CACNA1H: variants seen among roughly 807,000 people sequenced by gnomAD.
CACNA1H encodes the protein calcium voltage-gated channel subunit alpha1 H, also known as voltage-dependent T-type calcium channel subunit alpha-1H.
CACNA1H carries 149 observed loss-of-function variants against 192.5 expected under a neutral mutation model. The observed-to-expected ratio is 0.77, with a 90% CI of 0.68 to 0.89. The LOEUF is 0.89. CACNA1H is among the 40% of genes least tolerant of loss of function. CACNA1H has a pLI of 0.00. For synonymous variants in CACNA1H, 2,202 were observed against 1,475.2 expected (o/e 1.49, Z -11.29); for missense variants, 4,257 against 3,423.5 (o/e 1.24, Z -6.08).
chr16:1,204,506 G>A (rs1367382024), intron 10 of CACNA1H, 48 bp downstream of exon 10: 2 of 1,440,152 alleles, frequency 1.4e-6, no homozygotes, highest in African/African-American at 1.4e-5. Context: ...AGGCTTGCAG[G>A]GCCTGGGGAG....
chr16:1,188,713 C>G (rs538687089), intron 2 of CACNA1H, among the ~76,000 whole-genome samples: 59 of 152,290 alleles, frequency 3.9e-4, no homozygotes, highest in African/African-American at 1.4e-3. Context: ...CTCGACTACC[C>G]CCAGATGAGA....
chr16:1,154,054 CGGGGGGCG>C lies in CACNA1H; in HGVS notation c.299+24_299+31del. 1.9e-5 allele frequency: 2 copies of C among 106,620 alleles called. No homozygotes were observed. Among genetic ancestry groups the C allele is most frequent in the Non-Finnish European group, 2.3e-5 (2 of 88,222 alleles). 6.6% of individuals were successfully genotyped at this position (106,620 alleles called of 1,614,324 possible). ...TGCAACCCATATCCTTCCCGGCCGG[CGGGGGGCG>C]GGGGGCGGGGGGCGTGGGGAGGGTG... On this transcript the variant is annotated intron_variant, in intron 2 of 34. Transcript: ENST00000348261.
At chr16:1,157,358 A>G (rs910189370) in intron 2 of CACNA1H, among the ~76,000 whole-genome samples, 1 of 152,220 alleles carries the variant, frequency 6.6e-6, no homozygotes, top group African/African-American at 2.4e-5. Flanking sequence ...TATCAAGGTC[A>G]TCGGGATGCT....
chr16:1,156,262 C>A (rs1383721003), intron 2 of CACNA1H, among the ~76,000 whole-genome samples: 1 of 152,240 alleles, frequency 6.6e-6, no homozygotes. Context: ...AGACCCCAAG[C>A]TTGGTTCATT....
In CACNA1H at chr16:1,220,179, C is replaced by A; in HGVS notation, c.6247C>A (p.Pro2083Thr). Residue 2083 changes from proline (P) to threonine (T), a missense_variant, in exon 35 of 35, where the codon CCG becomes ACG. Coordinates refer to ENST00000348261, the MANE Select transcript of CACNA1H (RefSeq NM_021098.3). ...CGGACAGCGCTGCGTCTCCAGCCGG[C>A]CGGCGGCCCCAGGCGGAGAGGAGGC... Reference protein sequence around the residue: ...TFGQRCVSSRPAAPGGEEAEA... With the variant: ...TFGQRCVSSRTAAPGGEEAEA... 6.6e-7 allele frequency: 1 copy of A among 1,520,118 alleles called. No homozygotes were observed. Among genetic ancestry groups the A allele is most frequent in the Non-Finnish European group, 8.8e-7 (1 of 1,138,520 alleles). The allele number at this position is 1,520,118 out of a possible 1,614,324, so 94.2% of individuals were successfully genotyped here.
At chr16:1,199,845 CTTGCCCT>C (rs955703699) in intron 6 of CACNA1H, among the ~76,000 whole-genome samples, 3 of 152,112 alleles carry the variant, frequency 2.0e-5, no homozygotes, top group African/African-American at 7.2e-5. Context: ...CCCCTCGTCC[CTTGCCCT>C]TTGCCCCTCA....
At position 1,219,112 on chromosome 16, in the gene CACNA1H, C is replaced by A; in HGVS notation, c.6030C>A (p.Ser2010Arg). ...PRGTARSPSL[S>R]RLLCRQEAVH... ...GCACAGCCCGCTCCCCCAGTCTCAGCCGGCTGCTCTGCAGACAGGTAGGAG... is the reference window on the plus strand; with the variant it reads ...GCACAGCCCGCTCCCCCAGTCTCAGACGGCTGCTCTGCAGACAGGTAGGAG... The change falls in exon 34 of 35, where the codon AGC (serine) becomes AGA (arginine). Residue 2010 changes from serine (S) to arginine (R), a missense_variant. Ser to Arg is a moderately radical substitution (Grantham distance 110, BLOSUM62 -1). Coordinates refer to ENST00000348261, the MANE Select transcript of CACNA1H (RefSeq NM_021098.3). 2 of 1,543,140 alleles carry A rather than the reference C, an allele frequency of 1.3e-6. No homozygotes were observed. The highest frequency in any genetic ancestry group is 1.8e-6 in the Non-Finnish European group (2 of 1,142,844).
In CACNA1H at chr16:1,218,718, T is replaced by TG; in HGVS notation, c.5887+70dup. On this transcript the variant is annotated intron_variant, in intron 33 of 34. Transcript: ENST00000348261. ...GGACAGGGAGGAAGATGGGGGCAGG[T>TG]GGGAGGGAGGATGGGGTCAGGCCAG... is the stretch of plus-strand genomic sequence containing the variant. The TG allele has an allele frequency of 6.1e-6, 5 of 818,292 alleles. No individual in the cohort carries two copies. In the South Asian group the frequency reaches 1.2e-4, roughly 19 times the overall value. The allele number at this position is 818,292 out of a possible 1,614,324, so 50.7% of individuals were successfully genotyped here.
At chr16:1,169,348 C>G (rs994492420) in intron 2 of CACNA1H, among the ~76,000 whole-genome samples, 6 of 152,216 alleles carry the variant, frequency 3.9e-5, no homozygotes, top group African/African-American at 1.2e-4. Context: ...TGGCAGAACC[C>G]CCGACCTGCC....
chr16:1,173,473 C>G (rs1045010579), intron 2 of CACNA1H, among the ~76,000 whole-genome samples: 1 of 152,228 alleles, frequency 6.6e-6, no homozygotes, highest in Admixed American at 6.5e-5. Flanking sequence ...TCGCTATTTA[C>G]TTTTTTAGTA....
intron 2 of CACNA1H, among the ~76,000 whole-genome samples, chr16:1,173,800 C>T (rs1197370498): frequency 6.6e-6 from 1 of 152,236 alleles, no homozygotes; most frequent in African/African-American, 2.4e-5. Flanking sequence ...TGGGTGTTGA[C>T]CTGTGCACAC....
At chr16:1,214,344 G>T (rs1291279352) in intron 27 of CACNA1H, among the ~76,000 whole-genome samples, 1 of 152,374 alleles carries the variant, frequency 6.6e-6, no homozygotes, top group South Asian at 2.1e-4. Context: ...GAAGGAGGTA[G>T]CCTCTGGGTA....
rs538104013 is a variant in CACNA1H at position 1,210,985 on chromosome 16, C to T, written c.4223+14C>T. 88 of 1,589,652 alleles carry T rather than the reference C, an allele frequency of 5.5e-5. 1 individual carries two copies. The highest frequency in any genetic ancestry group is 2.2e-4 in the Middle Eastern group (1 of 4,540). On this transcript the variant is annotated intron_variant, in intron 21 of 34. Transcript: ENST00000348261. Reference sequence around the variant, plus strand: ...GCGGCCTCTGAGGTGGGGGGCTCCCCGTGGGCTCCCGGGGCAACCTGGAAG... The same window carrying T: ...GCGGCCTCTGAGGTGGGGGGCTCCCTGTGGGCTCCCGGGGCAACCTGGAAG...
chr16:1,206,817 G>A (rs1216659475), intron 12 of CACNA1H, 184 bp from the exon 13 acceptor site: 27 of 589,638 alleles, frequency 4.6e-5, no homozygotes, highest in Non-Finnish European at 7.3e-5. Flanking sequence ...CTGAGTTGTA[G>A]GGCAGGAAGT....
At chr16:1,217,449 G>A (rs1230614959) in intron 31 of CACNA1H, among the ~76,000 whole-genome samples, 3 of 152,016 alleles carry the variant, frequency 2.0e-5, no homozygotes, top group Admixed American at 1.3e-4. Context: ...CAGGCTGGGC[G>A]GGGCAGGTGG....
chr16:1,178,457 A>G (rs1229645855), intron 2 of CACNA1H, among the ~76,000 whole-genome samples: 2 of 151,820 alleles, frequency 1.3e-5, no homozygotes, highest in African/African-American at 4.8e-5. Flanking sequence ...TTTGGAGATA[A>G]GGGCCCTTTC....
At chr16:1,191,925 C>T (rs965514926) in intron 2 of CACNA1H, among the ~76,000 whole-genome samples, 3 of 152,270 alleles carry the variant, frequency 2.0e-5, no homozygotes, top group South Asian at 4.1e-4. Context: ...GGGGTCTCTG[C>T]GAGCCGTCAC....
intron 2 of CACNA1H, among the ~76,000 whole-genome samples, chr16:1,162,373 G>A (rs1963294166): frequency 6.6e-6 from 1 of 152,142 alleles, no homozygotes; most frequent in African/African-American, 2.4e-5. Flanking sequence ...CTCACCTGTG[G>A]GCCCCCCCGG....
intron 30 of CACNA1H, among the ~76,000 whole-genome samples, chr16:1,216,697 A>G (rs1184861487): frequency 6.6e-6 from 1 of 152,214 alleles, no homozygotes; most frequent in Non-Finnish European, 1.5e-5. Flanking sequence ...GGGCCAGCAC[A>G]GAGGGGTGGG....
Sources: gnomAD v4.1 joint callset for allele counts (sites outside exome capture counted in the v4.1 genomes callset) on GRCh38, gnomAD v4.1.1 for gene constraint, MANE v1.5 for transcripts, NCBI Gene and HGNC (gene_info 2026-07-23, HGNC 2026-07-21) for gene names.